The following HIVEP1 variants were observed in gnomAD, a reference collection of about 807,000 sequenced individuals.
HIVEP1 encodes the protein zinc finger protein 40.
Under a neutral mutation model 180.0 loss-of-function variants are expected in HIVEP1, and 36 were observed. That is an observed-to-expected ratio of 0.20 (90% CI 0.15 to 0.26). The LOEUF (loss-of-function observed/expected upper bound fraction) is 0.26. HIVEP1 is among the 10% of genes least tolerant of loss of function. HIVEP1 has a pLI of 1.00. For synonymous variants in HIVEP1, 1,239 were observed against 1,239.0 expected (o/e 1.00, Z 0.00); for missense variants, 3,143 against 3,268.7 (o/e 0.96, Z 0.94).
chr6:12,071,813 G>A (rs1056863378), intron 2 of HIVEP1, among the ~76,000 whole-genome samples: 3 of 152,156 alleles, frequency 2.0e-5, no homozygotes, highest in African/African-American at 7.2e-5. Context: ...TTTATGGGAT[G>A]GCCTTGGGCT....
At chr6:12,065,704 T>C (rs1320727026) in intron 2 of HIVEP1, among the ~76,000 whole-genome samples, 2 of 151,940 alleles carry the variant, frequency 1.3e-5, no homozygotes, top group African/African-American at 2.4e-5. Flanking sequence ...TGTGTGTGTG[T>C]GTGTGTGTGC....
intron 2 of HIVEP1, among the ~76,000 whole-genome samples, chr6:12,021,379 C>A (rs944547737): frequency 2.6e-5 from 4 of 151,394 alleles, no homozygotes; most frequent in African/African-American, 9.7e-5. Context: ...GAAGTTACTT[C>A]TTCTCCTTTT....
At chr6:12,193,895 A>G in the HIVEP1 span, among the ~76,000 whole-genome samples, 1 of 152,236 alleles carries the variant, frequency 6.6e-6, no homozygotes, top group African/African-American at 2.4e-5. Flanking sequence ...ATTCTTTTTC[A>G]TAGTTTTTAC....
At chr6:12,204,090 A>G in the HIVEP1 span, among the ~76,000 whole-genome samples, 7 of 152,110 alleles carry the variant, frequency 4.6e-5, no homozygotes, top group African/African-American at 1.4e-4. Flanking sequence ...AAAAAAAAGA[A>G]AAAGTGAAGT....
At chr6:12,162,846 A>G (rs1760491789) in intron 8 of HIVEP1, among the ~76,000 whole-genome samples, 1 of 152,314 alleles carries the variant, frequency 6.6e-6, no homozygotes, top group East Asian at 1.9e-4. Flanking sequence ...ATTTTTCCCC[A>G]TTGAGTTGAC....
chr6:12,181,069 T>C, the HIVEP1 span, among the ~76,000 whole-genome samples: 6 of 151,986 alleles, frequency 3.9e-5, no homozygotes, highest in African/African-American at 1.4e-4. Context: ...TTAAGCAAAA[T>C]TTTTTTTAGA....
chr6:12,149,657 T>G (rs985988906), intron 7 of HIVEP1, among the ~76,000 whole-genome samples: 1 of 152,226 alleles, frequency 6.6e-6, no homozygotes, highest in Non-Finnish European at 1.5e-5. Context: ...GTTTTGTTTT[T>G]CACTAAAGGT....
At chr6:12,176,978 C>G in the HIVEP1 span, among the ~76,000 whole-genome samples, 1 of 152,160 alleles carries the variant, frequency 6.6e-6, no homozygotes, top group Non-Finnish European at 1.5e-5. Flanking sequence ...GAATACTATG[C>G]AGCCATGAAA....
At chr6:12,186,165 T>A in the HIVEP1 span, among the ~76,000 whole-genome samples, 1 of 151,954 alleles carries the variant, frequency 6.6e-6, no homozygotes, top group Non-Finnish European at 1.5e-5. Context: ...AGTGATCAGA[T>A]AAACAAAATG....
intron 6 of HIVEP1, 36 bp downstream of exon 6, chr6:12,130,978 A>G (rs368392270): frequency 1.9e-4 from 290 of 1,508,118 alleles, no homozygotes; most frequent in Non-Finnish European, 2.4e-4. Context: ...TCCTTTTAAT[A>G]TGTATTTAGG....
chr6:12,154,041 A>G (rs1759868515), intron 7 of HIVEP1, among the ~76,000 whole-genome samples: 1 of 152,212 alleles, frequency 6.6e-6, no homozygotes, highest in Admixed American at 6.5e-5. Context: ...CCAGCTACTC[A>G]GGAGGCTGAG....
rs144771608 is a variant in HIVEP1, at chr6:12,153,328, G to A, written c.6488-8111G>A. On this transcript the variant is annotated intron_variant, in intron 7 of 8. Coordinates refer to ENST00000379388, the MANE Select transcript of HIVEP1 (RefSeq NM_002114.4). ...AATATCTAGGCATAGACTAACATGGGTTTGAATCTTAGCTGTGACATTTAT... is the reference window on the plus strand; with the variant it reads ...AATATCTAGGCATAGACTAACATGGATTTGAATCTTAGCTGTGACATTTAT... 7.8e-4 allele frequency among the ~76,000 whole-genome samples: 119 copies of A among 152,200 alleles called. 2 individuals are homozygous for A. The East Asian group carries it at 0.022, about 28-fold the overall frequency.
chr6:12,187,177 C>G, the HIVEP1 span, among the ~76,000 whole-genome samples: 2 of 152,210 alleles, frequency 1.3e-5, no homozygotes, highest in South Asian at 4.1e-4. Flanking sequence ...GAGTTCAGAG[C>G]AGAGGACACA....
intron 3 of HIVEP1, among the ~76,000 whole-genome samples, chr6:12,098,751 T>G (rs1773918583): frequency 6.6e-6 from 1 of 152,056 alleles, no homozygotes; most frequent in Non-Finnish European, 1.5e-5. Context: ...GATAAAGAAC[T>G]GGGAGGAAGT....
intron 5 of HIVEP1, among the ~76,000 whole-genome samples, 166 bp from the exon 6 acceptor site, chr6:12,130,601 G>T (rs1008996619): frequency 1.3e-5 from 2 of 152,126 alleles, no homozygotes; most frequent in Admixed American, 1.3e-4. Flanking sequence ...GCTATATTAA[G>T]TGTTGATGTA....
the HIVEP1 span, among the ~76,000 whole-genome samples, chr6:12,191,366 G>A: frequency 1.3e-5 from 2 of 152,194 alleles, no homozygotes; most frequent in East Asian, 3.9e-4. Context: ...TAGGTGGGAG[G>A]ATGGCTTGAG....
chr6:12,122,463 A>G lies in HIVEP1; in HGVS notation c.2668A>G (p.Ser890Gly). The change falls in exon 4 of 9, where the codon AGT (serine) becomes GGT (glycine). Residue 890 changes from serine to glycine, a missense_variant. Around this residue, in one of 12 missense-constraint regions of HIVEP1, gnomAD observed 204 missense variants for 243.7 expected, o/e 0.84. Coordinates refer to ENST00000379388, the MANE Select transcript of HIVEP1 (RefSeq NM_002114.4). The part of the protein sequence containing the change: ...VSGPNAPVPQ[S>G]GHPRTLVRQA... ...GGGACCTAACGCTCCTGTGCCCCAG[A>G]GTGGGCATCCCCGTACACTTGTGAG... is the stretch of plus-strand genomic sequence containing the variant. The G allele has an allele frequency of 6.2e-7, 1 of 1,614,214 alleles. No homozygotes were observed. Among genetic ancestry groups the G allele is most frequent in the East Asian group, 2.2e-5 (1 of 44,888 alleles).
At chr6:12,185,442 G>T in the HIVEP1 span, among the ~76,000 whole-genome samples, 1 of 152,314 alleles carries the variant, frequency 6.6e-6, no homozygotes, top group South Asian at 2.1e-4. Flanking sequence ...GCAGAGAAGG[G>T]CTATAAGAGG....
At chr6:12,032,042 A>G (rs915903710) in intron 2 of HIVEP1, among the ~76,000 whole-genome samples, 10 of 152,154 alleles carry the variant, frequency 6.6e-5, no homozygotes, top group Non-Finnish European at 1.5e-4. Context: ...TTTAAAAGAT[A>G]CAAATAGTGT....
Sources: gnomAD v4.1 joint callset for allele counts (sites outside exome capture counted in the v4.1 genomes callset) on GRCh38, gnomAD v4.1.1 for gene constraint, gnomAD v4.1.1 regional missense constraint, MANE v1.5 for transcripts, NCBI Gene and HGNC (gene_info 2026-07-23, HGNC 2026-07-21) for gene names.